The following DYNC2H1 variants were observed in gnomAD, a reference collection of about 807,000 sequenced individuals.
DYNC2H1 encodes dynein cytoplasmic 2 heavy chain 1.
DYNC2H1 carries 410 observed loss-of-function variants against 570.0 expected under a neutral mutation model. The ratio of observed to expected loss-of-function variants is 0.72; its 90% CI spans 0.66 to 0.78. The LOEUF (loss-of-function observed/expected upper bound fraction) is 0.78. Among genes scored for constraint, DYNC2H1 ranks in the 30% least tolerant of loss-of-function variants. DYNC2H1 has a pLI of 0.00. For synonymous variants in DYNC2H1, 1,688 were observed against 1,677.6 expected (o/e 1.01, Z -0.15); for missense variants, 4,865 against 5,046.4 (o/e 0.96, Z 1.09).
intron 75 of DYNC2H1, among the ~76,000 whole-genome samples, chr11:103,295,993 G>T (rs1866808017): frequency 6.6e-6 from 1 of 152,072 alleles, no homozygotes; most frequent in Admixed American, 6.6e-5. Context: ...TCAGTGACAG[G>T]ACCACACTGA....
intron 25 of DYNC2H1, 122 bp downstream of exon 25, chr11:103,155,623 TAAAC>T: frequency 3.2e-6 from 3 of 941,296 alleles, no homozygotes; most frequent in Non-Finnish European, 3.0e-6. Context: ...CATCAAAAAG[TAAAC>T]AAACACAAAT....
At chr11:103,113,429 T>C (rs1858208715) in intron 1 of DYNC2H1, 108 bp from the exon 2 acceptor site, 3 of 815,944 alleles carry the variant, frequency 3.7e-6, no homozygotes, top group African/African-American at 1.8e-5. Flanking sequence ...ATTTTTAAAG[T>C]AACTATTTTT....
At chr11:103,138,261 T>C (rs1278621066) in intron 17 of DYNC2H1, among the ~76,000 whole-genome samples, 2 of 152,008 alleles carry the variant, frequency 1.3e-5, no homozygotes, top group Non-Finnish European at 2.9e-5. Flanking sequence ...CTTCCAACAC[T>C]ATGTTGAATA....
chr11:103,134,498 G>A, intron 15 of DYNC2H1, 79 bp downstream of exon 15: 1 of 1,143,232 alleles, frequency 8.7e-7, no homozygotes, highest in African/African-American at 1.6e-5. Context: ...GAATTGCCGA[G>A]AAGTTCATAA....
intron 84 of DYNC2H1, among the ~76,000 whole-genome samples, chr11:103,423,696 CAAAG>C (rs1201795480): frequency 6.6e-6 from 1 of 151,664 alleles, no homozygotes; most frequent in Non-Finnish European, 1.5e-5. Context: ...ATATACTTAA[CAAAG>C]GAACCTACAG....
Position 103,468,722 on chromosome 11 carries a change from A to G in DYNC2H1, c.12765+17A>G. The stretch of plus-strand genomic sequence containing the variant: ...ATTCCACAGGTAATACATTTTTAAC[A>G]AGCACAAGTTTTAATTATATCAGTT... On this transcript the variant is annotated intron_variant, in intron 88 of 88. Coordinates refer to ENST00000375735, the MANE Select transcript of DYNC2H1 (RefSeq NM_001377.3). 1 of 1,554,058 alleles carries G rather than the reference A, an allele frequency of 6.4e-7. No individual in the cohort carries two copies. The highest frequency in any genetic ancestry group is 1.1e-5 in the South Asian group (1 of 88,116).
intron 84 of DYNC2H1, 104 bp downstream of exon 84, chr11:103,399,976 G>C (rs1042246290): frequency 3.2e-6 from 3 of 924,892 alleles, no homozygotes; most frequent in South Asian, 3.5e-5. Context: ...CAGAAGACCC[G>C]AGTCACACTG....
At position 103,241,866 on chromosome 11, in the gene DYNC2H1, AAATAAT is replaced by A. The variant is rs71788058; in HGVS notation, c.9820-1818_9820-1813del. ...GGTACCTTGTCTGTGGACCATTTTA[AAATAAT>A]AATAATAAAGCTGTTTTAAAGTCGT... On this transcript the variant is annotated intron_variant, in intron 63 of 88. Coordinates refer to ENST00000375735, the MANE Select transcript of DYNC2H1 (RefSeq NM_001377.3). The surrounding 1 kb of genome is among the most constrained non-coding windows in gnomAD (Gnocchi z 5.1). Among the ~76,000 whole-genome samples, 4 of 151,738 alleles carry A rather than the reference AAATAAT, an allele frequency of 2.6e-5. No homozygotes were observed. The highest frequency in any genetic ancestry group is 5.9e-5 in the Non-Finnish European group (4 of 67,960).
At chr11:103,443,274 AT>A (rs1185338255) in intron 85 of DYNC2H1, among the ~76,000 whole-genome samples, 1 of 151,852 alleles carries the variant, frequency 6.6e-6, no homozygotes, top group Non-Finnish European at 1.5e-5. Context: ...TTATTTGCTG[AT>A]TTTCCATTCT....
At position 103,188,631 on chromosome 11, in the gene DYNC2H1, T is replaced by C; in HGVS notation, c.7275T>C (p.Val2425=). ...TTACTACCAGATTTACTTCCATCGT[T>C]CGTCTTTGTTCTATAGAGTATGTAT... The part of the protein sequence containing the change: ...HKLTTRFTSI[V]RLCSIDYPER... The change falls in exon 44 of 89, where the codon GTT becomes GTC. Residue 2425 remains valine (V), a synonymous_variant. Coordinates refer to ENST00000375735, the MANE Select transcript of DYNC2H1 (RefSeq NM_001377.3). 1 of 1,607,208 alleles carries C rather than the reference T, an allele frequency of 6.2e-7. No individual in the cohort carries two copies. The highest frequency in any genetic ancestry group is 8.5e-7 in the Non-Finnish European group (1 of 1,176,040).
At chr11:103,338,043 T>C (rs1396607301) in intron 82 of DYNC2H1, among the ~76,000 whole-genome samples, 4 of 151,682 alleles carry the variant, frequency 2.6e-5, no homozygotes. Flanking sequence ...TCCATTTTGA[T>C]TTTTGTATAT....
At chr11:103,156,006 G>T (rs1315837401) in intron 25 of DYNC2H1, among the ~76,000 whole-genome samples, 1 of 152,152 alleles carries the variant, frequency 6.6e-6, no homozygotes, top group East Asian at 1.9e-4. Context: ...TCTACAATAA[G>T]ATTACAGTAT....
At chr11:103,283,740 G>C (rs770602389) in intron 73 of DYNC2H1, among the ~76,000 whole-genome samples, 2 of 152,094 alleles carry the variant, frequency 1.3e-5, no homozygotes, top group East Asian at 3.9e-4. Flanking sequence ...TTAGGAAGTA[G>C]AGCCAGGATT....
intron 75 of DYNC2H1, among the ~76,000 whole-genome samples, chr11:103,294,918 A>G (rs1161491633): frequency 1.3e-5 from 2 of 152,132 alleles, no homozygotes; most frequent in African/African-American, 4.8e-5. Flanking sequence ...CTTGTGTCCA[A>G]TTTGCAAGAC....
intron 75 of DYNC2H1, among the ~76,000 whole-genome samples, chr11:103,288,690 A>AAT (rs1829662955): frequency 7.0e-6 from 1 of 142,602 alleles, no homozygotes; most frequent in South Asian, 2.2e-4. Context: ...CTACTAAAAA[A>AAT]AAAAAAAAAA....
intron 82 of DYNC2H1, among the ~76,000 whole-genome samples, chr11:103,354,615 G>A (rs2566918): frequency 0.68 from 102,749 of 151,744 alleles, 34,847 homozygotes; most frequent in Admixed American, 0.73. Context: ...TAAATAGTGA[G>A]GCTCTATTGA....
At chr11:103,140,402 G>T (rs889383508) in intron 17 of DYNC2H1, among the ~76,000 whole-genome samples, 5 of 151,970 alleles carry the variant, frequency 3.3e-5, no homozygotes, top group African/African-American at 1.2e-4. Context: ...TTTAGGGCAG[G>T]CCTGGTGGTG....
rs749950642 is a variant in DYNC2H1, at chr11:103,268,334, T to C, written c.10695+8357T>C. 1.4e-4 allele frequency among the ~76,000 whole-genome samples: 21 copies of C among 152,058 alleles called. No individual in the cohort carries two copies. The highest frequency in any genetic ancestry group is 2.1e-4 in the Non-Finnish European group (14 of 67,924). On this transcript the variant is annotated intron_variant, in intron 70 of 88. Transcript: ENST00000375735. The surrounding 1 kb of genome is among the most constrained non-coding windows in gnomAD (Gnocchi z 4.6). ...TATTGTTTTTAAAGTTGTTTATTTC[T>C]ACCTTCTTCCCTTACCTTGTCATAT...
At position 103,151,990 on chromosome 11, in the gene DYNC2H1, T is replaced by C; in HGVS notation, c.2947-146T>C. On this transcript the variant is annotated intron_variant, in intron 20 of 88. Coordinates refer to ENST00000375735, the MANE Select transcript of DYNC2H1 (RefSeq NM_001377.3). This position sits in a 1 kb window ranked among gnomAD's most constrained non-coding sequence, Gnocchi z 4.6. ...GGAATTTTTTTCTGCCAAATCAGAA[T>C]ATATAGGAATTTAACAAACTGTTTA... 1 of 904,738 alleles carries C rather than the reference T, an allele frequency of 1.1e-6. No individual in the cohort carries two copies. The highest frequency in any genetic ancestry group is 2.0e-5 in the South Asian group (1 of 50,970). 56.0% of individuals were successfully genotyped at this position (904,738 alleles called of 1,614,324 possible). A position where few individuals can be genotyped will look rare whatever the true frequency, so the allele number is the denominator to read the frequency against.
Sources: gnomAD v4.1 joint callset for allele counts (sites outside exome capture counted in the v4.1 genomes callset) on GRCh38, gnomAD v4.1.1 for gene constraint, Gnocchi (gnomAD v3.1) non-coding constraint, MANE v1.5 for transcripts, NCBI Gene and HGNC (gene_info 2026-07-23, HGNC 2026-07-21) for gene names.